RFX8: variants seen among roughly 807,000 people sequenced by gnomAD.
RFX8 encodes regulatory factor X8, also known as DNA-binding protein RFX8.
Under a neutral mutation model 54.6 loss-of-function variants are expected in RFX8, and 46 were observed. The observed-to-expected ratio is 0.84, with a 90% CI of 0.67 to 1.08. RFX8 has a LOEUF of 1.08. Ranked by LOEUF, RFX8 falls within the 50% of genes least tolerant of loss-of-function variation. The pLI, the probability that RFX8 is intolerant of heterozygous loss-of-function variation, is 0.00. For synonymous variants in RFX8, 192 were observed against 209.5 expected, an observed-to-expected ratio of 0.92 and a Z score of 0.72; for missense variants, 536 against 562.3, an observed-to-expected ratio of 0.95 and a Z score of 0.47.
At chr2:101,469,140 A>T (rs189543858) in intron 1 of RFX8, among the ~76,000 whole-genome samples, 1 of 135,076 alleles carries the variant, frequency 7.4e-6, no homozygotes. Flanking sequence ...ATATATAAGT[A>T]TATATATATA....
rs58872878 is a variant in RFX8 at position 101,418,735 on chromosome 2, A to C, written c.351+116T>G. ...GGGCTCCTGGTCCATACACCCCACT[A>C]TTCACTCCTCAGAGGACCATGGAGA... On this transcript the variant is annotated intron_variant, in intron 5 of 11. Coordinates refer to ENST00000428343, the MANE Select transcript of RFX8 (RefSeq NM_001145664.2). 9.3e-3 allele frequency: 6,583 copies of C among 710,264 alleles called. 102 individuals carry two copies. The highest frequency in any genetic ancestry group is 0.052 in the African/African-American group (2,972 of 57,022). 44.0% of individuals were successfully genotyped at this position (710,264 alleles called of 1,614,324 possible).
intron 6 of RFX8, among the ~76,000 whole-genome samples, chr2:101,417,191 G>A (rs1053121943): frequency 6.6e-6 from 1 of 152,158 alleles, no homozygotes; most frequent in Non-Finnish European, 1.5e-5. Context: ...TACGCTTACA[G>A]AATTTATTTA....
At chr2:101,424,639 T>C (rs551338071) in intron 2 of RFX8, among the ~76,000 whole-genome samples, 3 of 152,304 alleles carry the variant, frequency 2.0e-5, no homozygotes, top group African/African-American at 4.8e-5. Context: ...AATGACAGAC[T>C]GGGTAAAGAA....
chr2:101,429,653 C>A (rs907057104), intron 2 of RFX8, among the ~76,000 whole-genome samples: 2 of 152,194 alleles, frequency 1.3e-5, no homozygotes, highest in Non-Finnish European at 1.5e-5. Flanking sequence ...TCTCCTCCCA[C>A]GTCCCCGTCA....
Position 101,469,065 on chromosome 2 carries a change from T to TATATATATAA in RFX8, c.-52-2166_-52-2165insTTATATATAT, listed in dbSNP as rs1179384468. On this transcript the variant is annotated intron_variant, in intron 1 of 11. Transcript: ENST00000428343. ...ATGTATATATATATACGTATATATATGTATATATATATAAGTGTATATATA... is the reference window on the plus strand; with the variant it reads ...ATGTATATATATATACGTATATATATATATATATAAGTATATATATATAAGTGTATATATA... Among the ~76,000 whole-genome samples, 59 of 24,870 alleles carry TATATATATAA rather than the reference T, an allele frequency of 2.4e-3. 6 individuals are homozygous for TATATATATAA. The highest frequency in any genetic ancestry group is 8.3e-3 in the African/African-American group (58 of 7,022). 16.3% of individuals were successfully genotyped at this position (24,870 alleles called of 152,430 possible).
chr2:101,443,786 A>C (rs551843905), intron 2 of RFX8, among the ~76,000 whole-genome samples: 1 of 152,252 alleles, frequency 6.6e-6, no homozygotes, highest in Admixed American at 6.5e-5. Flanking sequence ...ACTCTGGCCA[A>C]AGGACTAGGA....
At chr2:101,459,964 C>A (rs925117932) in intron 2 of RFX8, among the ~76,000 whole-genome samples, 3 of 152,178 alleles carry the variant, frequency 2.0e-5, no homozygotes, top group South Asian at 2.1e-4. Context: ...CCCCACCCCC[C>A]ACCTGGCCGC....
At chr2:101,451,864 T>C (rs892097563) in intron 2 of RFX8, among the ~76,000 whole-genome samples, 1 of 151,922 alleles carries the variant, frequency 6.6e-6, no homozygotes, top group African/African-American at 2.4e-5. Flanking sequence ...GAGGCCAAAG[T>C]GGGAGGATCA....
At chr2:101,441,100 G>A (rs1416592548) in intron 2 of RFX8, among the ~76,000 whole-genome samples, 4 of 151,610 alleles carry the variant, frequency 2.6e-5, no homozygotes, top group Admixed American at 2.0e-4. Context: ...CCGAGTAGCC[G>A]GGACTACAGG....
intron 4 of RFX8, chr2:101,421,382 C>T: frequency 2.0e-6 from 2 of 1,020,324 alleles, no homozygotes; most frequent in Non-Finnish European, 1.2e-6. Flanking sequence ...TCAAATGGCT[C>T]TTCGGCACCA....
At chr2:101,402,340 T>C in intron 11 of RFX8, 96 bp downstream of exon 11, 2 of 1,084,114 alleles carry the variant, frequency 1.8e-6, no homozygotes, top group Non-Finnish European at 2.6e-6. Flanking sequence ...TCGTTTATCA[T>C]TGTTTGGACA....
chr2:101,460,997 G>A (rs188387207), intron 2 of RFX8, among the ~76,000 whole-genome samples: 8 of 151,152 alleles, frequency 5.3e-5, no homozygotes, highest in East Asian at 4.0e-4. Flanking sequence ...CGACAGGCAC[G>A]GTGGCTCACG....
chr2:101,469,823 T>G (rs1689877984), intron 1 of RFX8, among the ~76,000 whole-genome samples: 1 of 152,038 alleles, frequency 6.6e-6, no homozygotes, highest in Non-Finnish European at 1.5e-5. Context: ...ATACTCTTAA[T>G]AAGAATAATA....
chr2:101,436,483 G>A (rs2148951486), intron 2 of RFX8, among the ~76,000 whole-genome samples: 1 of 152,250 alleles, frequency 6.6e-6, no homozygotes, highest in African/African-American at 2.4e-5. Flanking sequence ...GTCCTAGCAA[G>A]GCGTGCTCTT....
chr2:101,464,684 T>G (rs373927414), intron 2 of RFX8, among the ~76,000 whole-genome samples: 9 of 152,166 alleles, frequency 5.9e-5, no homozygotes, highest in Non-Finnish European at 1.3e-4. Context: ...CTTGGCACCT[T>G]GAGGAATTCT....
Position 101,452,882 on chromosome 2 carries a change from G to A in RFX8, c.72+13895C>T, listed in dbSNP as rs112502379. ...AGCACTTTGGGAGGCTGAGGCAGGC[G>A]AATCATGAGGTCAAGAGATTGAGAC... is the stretch of plus-strand genomic sequence containing the variant. On this transcript the variant is annotated intron_variant, in intron 2 of 11. Coordinates refer to ENST00000428343, the MANE Select transcript of RFX8 (RefSeq NM_001145664.2). 6.6e-5 allele frequency among the ~76,000 whole-genome samples: 10 copies of A among 151,566 alleles called. 1 individual carries two copies. Among genetic ancestry groups the A allele is most frequent in the African/African-American group, 2.4e-4 (10 of 41,188 alleles).
intron 8 of RFX8, among the ~76,000 whole-genome samples, chr2:101,411,772 G>A (rs10202527): frequency 0.017 from 2,520 of 152,280 alleles, 86 homozygotes; most frequent in African/African-American, 0.056. Context: ...TCAAGGGACA[G>A]GACAGTAGAG....
chr2:101,430,165 T>A (rs937415836), intron 2 of RFX8, among the ~76,000 whole-genome samples: 1 of 152,204 alleles, frequency 6.6e-6, no homozygotes, highest in Non-Finnish European at 1.5e-5. Context: ...CCTCAGACTT[T>A]CCAGTGGCTG....
intron 2 of RFX8, among the ~76,000 whole-genome samples, chr2:101,458,761 G>A (rs1337611883): frequency 2.0e-5 from 3 of 152,190 alleles, no homozygotes; most frequent in Admixed American, 2.0e-4. Context: ...GGCCTGCCTT[G>A]CTGGGTTGGA....
Sources: allele counts gnomAD v4.1 joint callset (sites outside exome capture counted in the v4.1 genomes callset), GRCh38; gene constraint gnomAD v4.1.1; transcripts MANE v1.5; gene names NCBI Gene and HGNC (gene_info 2026-07-23, HGNC 2026-07-21).